LHX4: variants seen among roughly 807,000 people sequenced by gnomAD.
LHX4 encodes the protein LIM/homeobox protein Lhx4.
In LHX4, 16 loss-of-function variants were observed where a neutral mutation model predicts 39.2. The ratio of observed to expected loss-of-function variants is 0.41; its 90% confidence interval spans 0.28 to 0.62. The LOEUF (loss-of-function observed/expected upper bound fraction) is 0.62. LHX4 is among the 20% of genes least tolerant of loss of function. The pLI, the probability that LHX4 is intolerant of heterozygous loss-of-function variation, is 0.33. For missense variants in LHX4, 439 were observed against 511.9 expected (o/e 0.86, Z 1.37); for synonymous variants, 206 against 198.1 (o/e 1.04, Z -0.33).
intron 5 of LHX4, chr1:180,273,766 A>G (rs1244449986): frequency 1.7e-5 from 4 of 233,458 alleles, no homozygotes; most frequent in South Asian, 6.0e-5. Context: ...TTGCTTCCCA[A>G]TCAACTAAAC....
chr1:180,268,809 T>A (rs1648450391), intron 3 of LHX4, among the ~76,000 whole-genome samples: 2 of 152,222 alleles, frequency 1.3e-5, no homozygotes, highest in African/African-American at 4.8e-5. Context: ...TCCTCTGTCC[T>A]GGGCAATCGG....
At chr1:180,267,882 C>A (rs1459832899) in intron 3 of LHX4, among the ~76,000 whole-genome samples, 1 of 152,080 alleles carries the variant, frequency 6.6e-6, no homozygotes, top group Admixed American at 6.5e-5. Flanking sequence ...TTCATAAGGG[C>A]CCTTTAGGTG....
chr1:180,265,067 T>C (rs572028056), intron 2 of LHX4, among the ~76,000 whole-genome samples: 2 of 152,322 alleles, frequency 1.3e-5, no homozygotes, highest in Admixed American at 1.3e-4. Flanking sequence ...AACAGACCTA[T>C]CATTCTGCAT....
In LHX4 at chr1:180,276,908, A is replaced by AATC. The variant is rs1359658566; in HGVS notation, c.*2332_*2334dup. The AATC allele has an allele frequency of 6.6e-6, 1 of 152,166 alleles. No homozygotes were observed. The highest frequency in any genetic ancestry group is 1.9e-4 in the East Asian group (1 of 5,202). The allele number at this position is 152,166 out of a possible 1,614,324, so 9.4% of individuals were successfully genotyped here. ...GTAAGTTGACCAGTTTTTGTAAGTT[A>AATC]ATCATACTAATTCCCAGTTCAATAG... On this transcript the variant is annotated 3_prime_UTR_variant, in exon 6 of 6. Coordinates refer to ENST00000263726, the MANE Select transcript of LHX4 (RefSeq NM_033343.4).
At chr1:180,237,061 G>A (rs1390879156) in intron 1 of LHX4, among the ~76,000 whole-genome samples, 1 of 152,162 alleles carries the variant, frequency 6.6e-6, no homozygotes, top group Non-Finnish European at 1.5e-5. Context: ...ATTCCATCGC[G>A]GTCTGGTGGC....
intron 2 of LHX4, among the ~76,000 whole-genome samples, chr1:180,254,909 A>G (rs1313138267): frequency 6.6e-6 from 1 of 152,224 alleles, no homozygotes; most frequent in Non-Finnish European, 1.5e-5. Context: ...GAAAGAAGAC[A>G]GCAGGAGGGC....
At chr1:180,270,972 G>C (rs916397571) in intron 3 of LHX4, 2 of 308,764 alleles carry the variant, frequency 6.5e-6, no homozygotes, top group Non-Finnish European at 1.3e-5. Flanking sequence ...GAGGGCATCT[G>C]GGGCGACTTT....
chr1:180,249,887 G>T (rs1647543705), intron 2 of LHX4, among the ~76,000 whole-genome samples: 1 of 150,822 alleles, frequency 6.6e-6, no homozygotes, highest in Non-Finnish European at 1.5e-5. Flanking sequence ...GCGTGTGTGA[G>T]TGTGTGTATG....
chr1:180,244,247 G>A (rs1169003966), intron 1 of LHX4, among the ~76,000 whole-genome samples: 1 of 152,172 alleles, frequency 6.6e-6, no homozygotes, highest in Non-Finnish European at 1.5e-5. Flanking sequence ...AACATCTACA[G>A]TGGAATAGAA....
intron 2 of LHX4, among the ~76,000 whole-genome samples, chr1:180,248,973 G>C (rs996042195): frequency 3.9e-5 from 6 of 152,168 alleles, no homozygotes; most frequent in African/African-American, 1.4e-4. Flanking sequence ...AGCCAGGCTC[G>C]GTCAATGTCG....
intron 1 of LHX4, among the ~76,000 whole-genome samples, chr1:180,244,914 GCCCT>G (rs61403292): frequency 0.5 from 75,535 of 151,804 alleles, 18,936 homozygotes; most frequent in South Asian, 0.59. Context: ...GGGGCATGAA[GCCCT>G]CCCTGCACAG....
At chr1:180,239,441 G>A (rs144769691) in intron 1 of LHX4, among the ~76,000 whole-genome samples, 76 of 152,310 alleles carry the variant, frequency 5.0e-4, no homozygotes, top group African/African-American at 1.4e-3. Flanking sequence ...CCCATTTGGC[G>A]TCTCCTTTCA....
At chr1:180,272,975 G>A (rs1648779302) in intron 5 of LHX4, 1 of 152,232 alleles carries the variant, frequency 6.6e-6, no homozygotes, top group African/African-American at 2.4e-5. Flanking sequence ...CAGGTATAGG[G>A]AAAAGGCTAA....
At chr1:180,244,964 G>C (rs755747170) in intron 1 of LHX4, among the ~76,000 whole-genome samples, 3 of 152,234 alleles carry the variant, frequency 2.0e-5, no homozygotes, top group Non-Finnish European at 2.9e-5. Context: ...GCTGTGCCCC[G>C]CTGTCGGGGC....
chr1:180,230,043 G>A (rs891035264), upstream of LHX4, among the ~76,000 whole-genome samples: 2 of 147,452 alleles, frequency 1.4e-5, no homozygotes, highest in African/African-American at 2.6e-5. The surrounding 1 kb of genome is among the most constrained non-coding windows in gnomAD (Gnocchi z 5.8). Context: ...GGCCTCACTC[G>A]GGGCGCCGGG....
chr1:180,244,027 C>T (rs953575767), intron 1 of LHX4, among the ~76,000 whole-genome samples: 5 of 152,204 alleles, frequency 3.3e-5, no homozygotes, highest in Non-Finnish European at 7.3e-5. Context: ...GCCTTGGGCA[C>T]ATCGCCTGAT....
chr1:180,229,170 C>T (rs116315086), upstream of LHX4, among the ~76,000 whole-genome samples: 5,779 of 152,342 alleles, frequency 0.038, 225 homozygotes, highest in African/African-American at 0.1. Context: ...ATGGCAAGCC[C>T]TTTCGCTGGT....
At chr1:180,229,329 G>A (rs1664101621), upstream of LHX4, among the ~76,000 whole-genome samples, 1 of 152,172 alleles carries the variant, frequency 6.6e-6, no homozygotes, top group Non-Finnish European at 1.5e-5. Context: ...GGGCGGCCGG[G>A]GAGGCCCCGC....
intron 2 of LHX4, among the ~76,000 whole-genome samples, chr1:180,254,831 G>C (rs1647776709): frequency 1.3e-5 from 2 of 152,226 alleles, no homozygotes. Flanking sequence ...GAAGCAGCAA[G>C]GAAGTGCTTA....
Sources: allele counts gnomAD v4.1 joint callset (sites outside exome capture counted in the v4.1 genomes callset), GRCh38; gene constraint gnomAD v4.1.1; non-coding constraint Gnocchi (gnomAD v3.1); transcripts MANE v1.5; gene names NCBI Gene and HGNC (gene_info 2026-07-23, HGNC 2026-07-21).